Variants in DLGAP1 observed in about 807,000 individuals in gnomAD.
DLGAP1 encodes the protein DLG associated protein 1, also known as disks large-associated protein 1.
A neutral mutation model predicts 90.8 loss-of-function variants in DLGAP1; 11 were observed. The observed-to-expected ratio is 0.12, with a 90% CI of 0.08 to 0.20. The LOEUF (loss-of-function observed/expected upper bound fraction) is 0.20, where lower values mean the gene tolerates loss of function less well. Among genes scored for constraint, DLGAP1 ranks in the 10% least tolerant of loss-of-function variants. The probability of loss-of-function intolerance (pLI) is 1.00; values close to 1 mark genes in which losing one functional copy is unlikely to be tolerated. For missense variants in DLGAP1, 1,050 were observed against 1,333.8 expected (o/e 0.79, Z 3.31); for synonymous variants, 558 against 540.7 (o/e 1.03, Z -0.44).
chr18:3,719,694 C>T (rs1207207329), intron 7 of DLGAP1, among the ~76,000 whole-genome samples: 1 of 151,584 alleles, frequency 6.6e-6, no homozygotes, highest in African/African-American at 2.4e-5. Flanking sequence ...TATGTACTAT[C>T]TTTGTAATTT....
intron 3 of DLGAP1, among the ~76,000 whole-genome samples, chr18:3,919,368 C>A (rs191289128): frequency 1.3e-5 from 2 of 152,316 alleles, no homozygotes; most frequent in Admixed American, 6.5e-5. Context: ...GAATGCATCA[C>A]AAACAAAGCG....
intron 1 of DLGAP1, among the ~76,000 whole-genome samples, chr18:4,355,250 A>G (rs2081484142): frequency 6.6e-6 from 1 of 152,236 alleles, no homozygotes; most frequent in African/African-American, 2.4e-5. Context: ...AGGTCCATCC[A>G]TACCATGGAC....
chr18:3,699,361 A>G (rs2061201234), intron 7 of DLGAP1, among the ~76,000 whole-genome samples: 1 of 152,032 alleles, frequency 6.6e-6, no homozygotes, highest in Admixed American at 6.5e-5. Context: ...TGTTGATGCT[A>G]TTCCTTTCTG....
At chr18:3,845,613 T>C (rs2068962526) in intron 4 of DLGAP1, 3 of 985,436 alleles carry the variant, frequency 3.0e-6, no homozygotes, top group Non-Finnish European at 3.6e-6. Flanking sequence ...CTATCTTTCA[T>C]TATCTCAGTA....
At chr18:3,641,355 G>T (rs1791396) in intron 7 of DLGAP1, among the ~76,000 whole-genome samples, 3 of 151,544 alleles carry the variant, frequency 2.0e-5, no homozygotes, top group Non-Finnish European at 4.4e-5. Context: ...TGACCAACAT[G>T]AGGAAATCCC....
At chr18:4,018,254 G>C (rs142966700) in intron 2 of DLGAP1, among the ~76,000 whole-genome samples, 3 of 152,296 alleles carry the variant, frequency 2.0e-5, no homozygotes, top group Non-Finnish European at 4.4e-5. Context: ...AAGAAGGATC[G>C]GGTGGGAGGG....
intron 3 of DLGAP1, among the ~76,000 whole-genome samples, chr18:3,970,420 C>A (rs1186187631): frequency 6.6e-6 from 1 of 152,168 alleles, no homozygotes; most frequent in Non-Finnish European, 1.5e-5. Context: ...ATAAAAAGCT[C>A]TCCAAAGAAA....
chr18:4,214,646 T>C (rs2077914878), intron 1 of DLGAP1, among the ~76,000 whole-genome samples: 1 of 152,172 alleles, frequency 6.6e-6, no homozygotes, highest in African/African-American at 2.4e-5. Flanking sequence ...TGAAAACCAA[T>C]ATTAAAATAG....
chr18:3,731,170 GTATA>G (rs1428800061), intron 6 of DLGAP1, among the ~76,000 whole-genome samples: 2 of 151,946 alleles, frequency 1.3e-5, no homozygotes, highest in Admixed American at 1.3e-4. Flanking sequence ...ATGTATGGGT[GTATA>G]TATAGACATA....
In DLGAP1 at chr18:3,979,172, C is replaced by T. The variant is rs113760769; in HGVS notation, c.-73+25944G>A. 4.9e-4 allele frequency among the ~76,000 whole-genome samples: 74 copies of T among 152,294 alleles called. 1 individual carries two copies. In the East Asian group the frequency reaches 0.012, roughly 25 times the overall value. The stretch of plus-strand genomic sequence containing the variant: ...GGTCATGCACCACATAATAATGTTT[C>T]GGTCAACCACAGACTGCATTGCATG... On this transcript the variant is annotated intron_variant, in intron 3 of 12. Coordinates refer to ENST00000315677, the MANE Select transcript of DLGAP1 (RefSeq NM_004746.4).
intron 1 of DLGAP1, among the ~76,000 whole-genome samples, chr18:4,279,712 G>A (rs1440064197): frequency 1.3e-5 from 2 of 152,114 alleles, no homozygotes; most frequent in African/African-American, 4.8e-5. Flanking sequence ...AACATTTATT[G>A]TAAAGCATAT....
At chr18:3,544,592 T>A (rs941361072) in intron 9 of DLGAP1, among the ~76,000 whole-genome samples, 1 of 152,142 alleles carries the variant, frequency 6.6e-6, no homozygotes, top group Non-Finnish European at 1.5e-5. Flanking sequence ...TTTAATTCCA[T>A]TGTGGTCAGA....
intron 5 of DLGAP1, 66 bp downstream of exon 5, chr18:3,813,993 C>T: frequency 1.3e-6 from 2 of 1,514,930 alleles, no homozygotes; most frequent in Non-Finnish European, 1.8e-6. Context: ...AGGAGACACA[C>T]CATCTGAGCC....
chr18:3,661,324 T>A (rs1200582568), intron 7 of DLGAP1, among the ~76,000 whole-genome samples: 1 of 152,208 alleles, frequency 6.6e-6, no homozygotes, highest in Non-Finnish European at 1.5e-5. Flanking sequence ...ATGTCTCCTC[T>A]CCTTGAATCT....
chr18:4,193,342 T>A (rs2077435925), intron 1 of DLGAP1, among the ~76,000 whole-genome samples: 1 of 152,170 alleles, frequency 6.6e-6, no homozygotes, highest in Non-Finnish European at 1.5e-5. Flanking sequence ...TGAAACTAGG[T>A]CAAAAGTAAA....
chr18:3,625,662 T>C (rs766145426), intron 7 of DLGAP1, among the ~76,000 whole-genome samples: 1 of 152,232 alleles, frequency 6.6e-6, no homozygotes, highest in African/African-American at 2.4e-5. Flanking sequence ...GCAATCTAAG[T>C]GAGAGGCAAT....
chr18:4,164,652 C>A (rs2076903490), intron 1 of DLGAP1, among the ~76,000 whole-genome samples: 1 of 152,032 alleles, frequency 6.6e-6, no homozygotes, highest in Non-Finnish European at 1.5e-5. Flanking sequence ...TGCTCCCCAG[C>A]CTGGGCAGCA....
chr18:3,648,094 A>T (rs2059183210), intron 7 of DLGAP1, among the ~76,000 whole-genome samples: 1 of 152,262 alleles, frequency 6.6e-6, no homozygotes, highest in Non-Finnish European at 1.5e-5. Flanking sequence ...GAAGTGTACC[A>T]GGTTTCCTTC....
intron 7 of DLGAP1, chr18:3,708,232 CT>C: frequency 5.6e-6 from 2 of 357,876 alleles, no homozygotes; most frequent in South Asian, 2.1e-5. Flanking sequence ...GTCTTGAATG[CT>C]TGACTTCAAG....
Sources: allele counts gnomAD v4.1 joint callset (sites outside exome capture counted in the v4.1 genomes callset), GRCh38; gene constraint gnomAD v4.1.1; transcripts MANE v1.5; gene names NCBI Gene and HGNC (gene_info 2026-07-23, HGNC 2026-07-21).